SLC38A6: variants seen among roughly 807,000 people sequenced by gnomAD.
SLC38A6 encodes the protein solute carrier family 38 member 6, also known as N system amino acid transporter NAT-1.
In SLC38A6, 73 loss-of-function variants were observed where a neutral mutation model predicts 65.0. The ratio of observed to expected loss-of-function variants is 1.12; its 90% CI spans 0.93 to 1.37. The LOEUF is 1.37. SLC38A6 is among the 40% of genes most tolerant of loss of function. The probability of loss-of-function intolerance (pLI) is 0.00; values close to 1 mark genes in which losing one functional copy is unlikely to be tolerated. For synonymous variants in SLC38A6, 183 were observed against 178.8 expected, an observed-to-expected ratio of 1.02 and a Z score of -0.19; for missense variants, 561 against 531.1, an observed-to-expected ratio of 1.06 and a Z score of -0.55.
chr14:60,996,406 G>T (rs1594991703), intron 3 of SLC38A6, among the ~76,000 whole-genome samples: 1 of 152,058 alleles, frequency 6.6e-6, no homozygotes, highest in South Asian at 2.1e-4. Flanking sequence ...TCAATTGTTG[G>T]GTTGGGAGAG....
chr14:61,062,239 GC>G, intron 15 of SLC38A6, among the ~76,000 whole-genome samples: 1 of 152,138 alleles, frequency 6.6e-6, no homozygotes, highest in East Asian at 1.9e-4. Flanking sequence ...ATGAGAAATT[GC>G]CAAACTACCT....
At chr14:61,074,817 T>C (rs1187707496) in intron 15 of SLC38A6, among the ~76,000 whole-genome samples, 1 of 151,886 alleles carries the variant, frequency 6.6e-6, no homozygotes, top group Non-Finnish European at 1.5e-5. Flanking sequence ...CCAGAACTTC[T>C]CTTAGTAAGG....
intron 12 of SLC38A6, among the ~76,000 whole-genome samples, chr14:61,046,608 C>G (rs770715282): frequency 8.5e-5 from 13 of 152,178 alleles, no homozygotes; most frequent in Non-Finnish European, 1.8e-4. Flanking sequence ...ACTTAGATGT[C>G]AGACATCTCT....
Position 61,043,515 on chromosome 14 carries a change from A to G in SLC38A6, c.744+12A>G. The G allele has an allele frequency of 6.3e-7, 1 of 1,580,064 alleles. No individual in the cohort carries two copies. The highest frequency in any genetic ancestry group is 8.6e-7 in the Non-Finnish European group (1 of 1,157,528). On this transcript the variant is annotated intron_variant, in intron 10 of 15. Coordinates refer to ENST00000267488, the MANE Select transcript of SLC38A6 (RefSeq NM_153811.3). ...ATTTCTCCAAAGAGGTGTGTAAGTT[A>G]TTAACAGATACTTTTAGTTGATTTT...
chr14:60,998,274 G>T (rs539821973), intron 3 of SLC38A6, among the ~76,000 whole-genome samples: 1 of 151,820 alleles, frequency 6.6e-6, no homozygotes, highest in Non-Finnish European at 1.5e-5. Flanking sequence ...GTTGCCTTCT[G>T]CCTGCCATCC....
At chr14:61,052,989 T>A (rs1319055998), downstream of SLC38A6, 8 of 152,448 alleles carry the variant, frequency 5.2e-5, no homozygotes, top group African/African-American at 1.9e-4. Flanking sequence ...CTCCCAGGTA[T>A]TAAACCCAGT....
At chr14:61,043,561 G>C (rs1423838840) in intron 10 of SLC38A6, 58 bp downstream of exon 10, 1 of 1,345,834 alleles carries the variant, frequency 7.4e-7, no homozygotes, top group African/African-American at 1.5e-5. Context: ...AGTTTTAAGA[G>C]GTTTGTGTAA....
intron 4 of SLC38A6, among the ~76,000 whole-genome samples, chr14:61,017,506 G>A (rs2040089890): frequency 6.6e-6 from 1 of 152,154 alleles, no homozygotes; most frequent in African/African-American, 2.4e-5. Flanking sequence ...TAGAGGATTA[G>A]GATGTTTGGT....
intron 5 of SLC38A6, among the ~76,000 whole-genome samples, chr14:61,022,343 G>A (rs2040386479): frequency 6.6e-6 from 1 of 151,896 alleles, no homozygotes; most frequent in Non-Finnish European, 1.5e-5. Flanking sequence ...AGGAACCCTA[G>A]CCTTAAAAAG....
chr14:60,992,630 G>C (rs970779939), intron 3 of SLC38A6, among the ~76,000 whole-genome samples: 6 of 152,078 alleles, frequency 3.9e-5, no homozygotes, highest in Non-Finnish European at 7.4e-5. Flanking sequence ...TGGGGACTGA[G>C]TGTGAGGTGG....
At chr14:61,028,774 T>C (rs1234516062) in intron 5 of SLC38A6, among the ~76,000 whole-genome samples, 4 of 152,214 alleles carry the variant, frequency 2.6e-5, no homozygotes, top group Non-Finnish European at 5.9e-5. Context: ...TATTTAACTG[T>C]TCTAAATTTT....
chr14:61,017,063 CAG>C lies in SLC38A6; in HGVS notation c.363+1110_363+1111del, dbSNP rs1179814772. On this transcript the variant is annotated intron_variant, in intron 4 of 15. Coordinates refer to ENST00000267488, the MANE Select transcript of SLC38A6 (RefSeq NM_153811.3). ...AGTTTTTTGTTTTTGTTTTTTCAGA[CAG>C]AGTTTCGCTCTTGTTGCCCAGGCTG... Among the ~76,000 whole-genome samples the C allele has an allele frequency of 2.0e-5, 3 of 152,022 alleles. No individual in the cohort carries two copies. The East Asian group carries it at 5.8e-4, about 29-fold the overall frequency.
intron 8 of SLC38A6, among the ~76,000 whole-genome samples, chr14:61,042,674 G>A (rs1332495657): frequency 6.6e-6 from 1 of 152,148 alleles, no homozygotes; most frequent in Non-Finnish European, 1.5e-5. Context: ...AGGAGGGGCA[G>A]CACTTAATGT....
intron 12 of SLC38A6, 23 bp from the exon 13 acceptor site, chr14:61,050,489 G>A (rs776901135): frequency 1.1e-5 from 16 of 1,449,832 alleles, no homozygotes; most frequent in Non-Finnish European, 1.4e-5. Context: ...TTTATAATGT[G>A]ATCCTTATTA....
At chr14:60,994,492 C>A (rs1284481192) in intron 3 of SLC38A6, among the ~76,000 whole-genome samples, 1 of 152,104 alleles carries the variant, frequency 6.6e-6, no homozygotes, top group African/African-American at 2.4e-5. Context: ...TTGCGGTGAG[C>A]TGAGATCAAG....
chr14:61,021,735 A>G (rs1420830099), intron 5 of SLC38A6, among the ~76,000 whole-genome samples: 1 of 152,226 alleles, frequency 6.6e-6, no homozygotes, highest in Non-Finnish European at 1.5e-5. Context: ...TTTAGTTTTT[A>G]GAATGATATC....
chr14:60,982,539 C>G lies in SLC38A6; in HGVS notation c.137C>G (p.Ser46Ter), dbSNP rs2037138319. The change falls in exon 2 of 16, where the codon TCA (serine) becomes TGA (stop). Residue 46 changes from serine to a stop codon, truncating the protein, a stop_gained. Transcript: ENST00000267488. LOFTEE classifies it high-confidence loss of function. ...CACAGACAGCGATCCCCAGGTGTTT[C>G]ATTTGGTTTATCAGTGTTTAATTTG... Reference protein sequence around the residue: ...ELHRQRSPGVSFGLSVFNLMN... With the variant: ...ELHRQRSPGV 6.2e-7 allele frequency: 1 copy of G among 1,613,288 alleles called. No homozygotes were observed. Among genetic ancestry groups the G allele is most frequent in the Non-Finnish European group, 8.5e-7 (1 of 1,179,844 alleles).
chr14:61,078,172 T>C (rs2043493991), intron 15 of SLC38A6, among the ~76,000 whole-genome samples: 1 of 152,212 alleles, frequency 6.6e-6, no homozygotes, highest in Non-Finnish European at 1.5e-5. Flanking sequence ...AAGAATGACA[T>C]ATCTTGGTGA....
intron 2 of SLC38A6, 67 bp downstream of exon 2, chr14:60,982,705 A>G (rs1317170091): frequency 1.3e-6 from 2 of 1,489,960 alleles, no homozygotes; most frequent in East Asian, 4.6e-5. Flanking sequence ...AAGTAGAGAG[A>G]TAGATTCCAG....
Sources: gnomAD v4.1 joint callset for allele counts (sites outside exome capture counted in the v4.1 genomes callset) on GRCh38, gnomAD v4.1.1 for gene constraint, MANE v1.5 for transcripts, NCBI Gene and HGNC (gene_info 2026-07-23, HGNC 2026-07-21) for gene names.